Variants in GNAQ observed in about 807,000 individuals in gnomAD.
GNAQ encodes guanine nucleotide-binding protein G(q) subunit alpha.
GNAQ carries 8 observed loss-of-function variants against 43.9 expected under a neutral mutation model. The observed-to-expected ratio is 0.18, with a 90% CI of 0.11 to 0.33. GNAQ has a LOEUF of 0.33. GNAQ is among the 10% of genes least tolerant of loss of function. The pLI is 1.00. For synonymous variants in GNAQ, 155 were observed against 170.7 expected, an observed-to-expected ratio of 0.91 and a Z score of 0.71; for missense variants, 158 against 450.8, an observed-to-expected ratio of 0.35 and a Z score of 5.88.
At chr9:77,739,969 C>T (rs921446078) in intron 5 of GNAQ, among the ~76,000 whole-genome samples, 1 of 152,142 alleles carries the variant, frequency 6.6e-6, no homozygotes, top group Non-Finnish European at 1.5e-5. Context: ...AGCTAATAAA[C>T]CAACAAAGCA....
intron 5 of GNAQ, among the ~76,000 whole-genome samples, chr9:77,750,872 A>C (rs538836572): frequency 2.0e-5 from 3 of 152,330 alleles, no homozygotes; most frequent in Non-Finnish European, 4.4e-5. Context: ...GCAGGTGATC[A>C]ATAAATTTTT....
At chr9:77,961,765 T>G (rs1823109965) in intron 1 of GNAQ, among the ~76,000 whole-genome samples, 1 of 152,058 alleles carries the variant, frequency 6.6e-6, no homozygotes, top group African/African-American at 2.4e-5. Context: ...ATCCAAAATA[T>G]CCAGCAATCA....
intron 1 of GNAQ, among the ~76,000 whole-genome samples, chr9:78,003,588 G>A (rs979939212): frequency 6.6e-6 from 1 of 152,138 alleles, no homozygotes; most frequent in African/African-American, 2.4e-5. Flanking sequence ...GCCGAGGCGG[G>A]CAGATCATTT....
In GNAQ at chr9:77,980,463, C is replaced by T. The variant is rs976035149; in HGVS notation, c.136+50637G>A. Among the ~76,000 whole-genome samples, 24 of 152,060 alleles carry T rather than the reference C, an allele frequency of 1.6e-4. No homozygotes were observed. In the East Asian group the frequency reaches 2.5e-3, roughly 16 times the overall value. ...CAAAATGAAGATCTACAATGCTAGACGGAAATTTGGTCAAAGATCATGTTA... is the reference window on the plus strand; with the variant it reads ...CAAAATGAAGATCTACAATGCTAGATGGAAATTTGGTCAAAGATCATGTTA... On this transcript the variant is annotated intron_variant, in intron 1 of 6. Transcript: ENST00000286548.
At chr9:77,901,038 T>C (rs888265448) in intron 2 of GNAQ, among the ~76,000 whole-genome samples, 12 of 152,140 alleles carry the variant, frequency 7.9e-5, no homozygotes, top group Non-Finnish European at 1.5e-4. Context: ...AAAATAAAAA[T>C]ACTTGCTTGA....
rs1330603557 is a variant in GNAQ at position 77,797,639 on chromosome 9, A to G, written c.486T>C (p.Asn162=). ...QLSDSTKYYL[N]DLDRVADPAY... ...CAGGGTCAGCTACGCGGTCCAAGTC[A>G]TTAAGATAGCTAGAGGAGGGAAGAC... Residue 162 remains asparagine (N), a synonymous_variant, in exon 4 of 7, where the codon AAT becomes AAC. Transcript: ENST00000286548. 1 of 1,613,626 alleles carries G rather than the reference A, an allele frequency of 6.2e-7. No homozygotes were observed. The highest frequency in any genetic ancestry group is 1.1e-5 in the South Asian group (1 of 91,000).
chr9:77,817,657 G>T (rs1827040032), intron 2 of GNAQ, among the ~76,000 whole-genome samples: 1 of 152,114 alleles, frequency 6.6e-6, no homozygotes, highest in African/African-American at 2.4e-5. Context: ...CATCTACAAC[G>T]CACAGAGCAC....
At chr9:77,861,258 C>T (rs1587370276) in intron 2 of GNAQ, among the ~76,000 whole-genome samples, 1 of 152,202 alleles carries the variant, frequency 6.6e-6, no homozygotes, top group Non-Finnish European at 1.5e-5. Flanking sequence ...GACCTGCCTC[C>T]ATGATTCAAT....
chr9:77,728,487 T>C (rs776207652), intron 6 of GNAQ, 27 bp downstream of exon 6: 2 of 1,530,020 alleles, frequency 1.3e-6, no homozygotes, highest in South Asian at 1.1e-5. Context: ...TCACAGCTAC[T>C]GAGCTGTGGT....
At chr9:77,742,050 C>T (rs1825660408) in intron 5 of GNAQ, among the ~76,000 whole-genome samples, 2 of 152,186 alleles carry the variant, frequency 1.3e-5, no homozygotes, top group South Asian at 4.1e-4. Context: ...GTGCTTTTGA[C>T]AGTGCACACC....
chr9:77,878,240 T>C (rs1828157260), intron 2 of GNAQ, among the ~76,000 whole-genome samples: 1 of 151,776 alleles, frequency 6.6e-6, no homozygotes, highest in Non-Finnish European at 1.5e-5. Context: ...TTTTTTTTTT[T>C]TTGAAACCCT....
At chr9:77,795,905 C>T (rs1373746561) in intron 4 of GNAQ, among the ~76,000 whole-genome samples, 2 of 152,110 alleles carry the variant, frequency 1.3e-5, no homozygotes, top group East Asian at 1.9e-4. Context: ...GTGTACAAAA[C>T]GTGGAAAAAA....
At chr9:77,728,480 C>T (rs746287048) in intron 6 of GNAQ, 34 bp downstream of exon 6, 4 of 1,525,736 alleles carry the variant, frequency 2.6e-6, no homozygotes, top group Admixed American at 1.7e-5. Flanking sequence ...AACCTATTCA[C>T]AGCTACTGAG....
intron 1 of GNAQ, among the ~76,000 whole-genome samples, chr9:77,943,766 CA>C (rs1587423510): frequency 6.7e-6 from 1 of 149,560 alleles, no homozygotes; most frequent in East Asian, 2.0e-4. Flanking sequence ...TGGGTTCAAG[CA>C]ATTCTCCTGC....
intron 2 of GNAQ, among the ~76,000 whole-genome samples, chr9:77,882,661 G>T (rs1457469327): frequency 6.6e-6 from 1 of 152,082 alleles, no homozygotes; most frequent in African/African-American, 2.4e-5. Flanking sequence ...AAAATGATGT[G>T]TTGAGATCCA....
chr9:77,718,733 T>TTTG lies in GNAQ; in HGVS notation c.*2589_*2590insCAA. ...TTCAAATGTTGTTGTTTAATTTTTT[T>TTTG]TTTTTTTTTTTTTTTTTTTGCTGCA... On this transcript the variant is annotated 3_prime_UTR_variant, in exon 7 of 7. Transcript: ENST00000286548. The TTTG allele has an allele frequency of 4.6e-6, 1 of 216,644 alleles. No individual in the cohort carries two copies. The highest frequency in any genetic ancestry group is 9.0e-6 in the Non-Finnish European group (1 of 111,002). 13.4% of individuals were successfully genotyped at this position (216,644 alleles called of 1,614,324 possible).
chr9:77,772,462 G>T (rs745478332), intron 5 of GNAQ, among the ~76,000 whole-genome samples: 2 of 152,008 alleles, frequency 1.3e-5, no homozygotes, highest in Non-Finnish European at 2.9e-5. Context: ...TGACCACTGG[G>T]GTCAATATTA....
At position 77,993,527 on chromosome 9, in the gene GNAQ, G is replaced by A. The variant is rs553232325; in HGVS notation, c.136+37573C>T. On this transcript the variant is annotated intron_variant, in intron 1 of 6. Transcript: ENST00000286548. ...GCCTGGCCAACAATTGTGAAACACT[G>A]TCTCTACCAAAAATACAAAAAAAAA... Among the ~76,000 whole-genome samples, 204 of 152,018 alleles carry A rather than the reference G, an allele frequency of 1.3e-3. 1 individual carries two copies. The highest frequency in any genetic ancestry group is 4.5e-3 in the African/African-American group (188 of 41,472).
At chr9:77,742,547 CCTATTA>C (rs1825669936) in intron 5 of GNAQ, among the ~76,000 whole-genome samples, 1 of 151,644 alleles carries the variant, frequency 6.6e-6, no homozygotes, top group South Asian at 2.1e-4. Flanking sequence ...TGCATTATGA[CCTATTA>C]CTAAGTTACG....
Sources: allele counts gnomAD v4.1 joint callset (sites outside exome capture counted in the v4.1 genomes callset), GRCh38; gene constraint gnomAD v4.1.1; transcripts MANE v1.5; gene names NCBI Gene and HGNC (gene_info 2026-07-23, HGNC 2026-07-21).